The following SEMA3C variants were observed in gnomAD, a reference collection of about 807,000 sequenced individuals.
SEMA3C encodes the protein semaphorin-3C.
SEMA3C carries 47 observed loss-of-function variants against 89.4 expected under a neutral mutation model. The observed-to-expected ratio is 0.53, with a 90% CI of 0.42 to 0.67. The LOEUF (loss-of-function observed/expected upper bound fraction) is 0.67, where lower values mean the gene tolerates loss of function less well. Ranked by LOEUF, SEMA3C falls within the 30% of genes least tolerant of loss-of-function variation. The pLI is 0.00. For missense variants in SEMA3C, 839 were observed against 929.1 expected, an observed-to-expected ratio of 0.90 and a Z score of 1.26; for synonymous variants, 310 against 320.2, an observed-to-expected ratio of 0.97 and a Z score of 0.34.
chr7:80,907,663 T>C (rs544411330), intron 2 of SEMA3C, among the ~76,000 whole-genome samples: 22 of 152,222 alleles, frequency 1.4e-4, no homozygotes, highest in Non-Finnish European at 2.2e-4. Context: ...GCATCATTAG[T>C]ATGTAATAAT....
chr7:80,828,830 T>C (rs1438936210), intron 2 of SEMA3C, 85 bp from the exon 3 acceptor site: 3 of 1,059,682 alleles, frequency 2.8e-6, no homozygotes, highest in East Asian at 5.3e-5. Context: ...ATGCAAATAT[T>C]CCAAAAAATG....
chr7:80,800,067 G>A (rs955068295), intron 10 of SEMA3C, among the ~76,000 whole-genome samples: 6 of 146,974 alleles, frequency 4.1e-5, no homozygotes, highest in African/African-American at 7.6e-5. Flanking sequence ...GCAGGAGAAC[G>A]GCATGAACCC....
intron 17 of SEMA3C, among the ~76,000 whole-genome samples, chr7:80,746,300 AT>A (rs2117022019): frequency 6.6e-6 from 1 of 152,284 alleles, no homozygotes; most frequent in African/African-American, 2.4e-5. Context: ...CAAGTATAGT[AT>A]TAAAAGATAA....
At chr7:80,771,786 C>A (rs1788440492) in intron 12 of SEMA3C, among the ~76,000 whole-genome samples, 1 of 152,222 alleles carries the variant, frequency 6.6e-6, no homozygotes, top group Non-Finnish European at 1.5e-5. Context: ...GAGATCTGGC[C>A]AGTCCCTTCC....
At chr7:80,840,771 T>C (rs542301225) in intron 2 of SEMA3C, among the ~76,000 whole-genome samples, 1 of 152,180 alleles carries the variant, frequency 6.6e-6, no homozygotes, top group South Asian at 2.1e-4. Flanking sequence ...TGTTTCTCCA[T>C]TCAATAAATA....
chr7:80,835,583 T>C (rs751502838), intron 2 of SEMA3C, among the ~76,000 whole-genome samples: 2 of 152,024 alleles, frequency 1.3e-5, no homozygotes, highest in Non-Finnish European at 2.9e-5. Flanking sequence ...ATTTCACCTG[T>C]CTGTTTAGAA....
At chr7:80,863,720 GATATATATATCAC>G in intron 2 of SEMA3C, among the ~76,000 whole-genome samples, 1 of 145,284 alleles carries the variant, frequency 6.9e-6, no homozygotes, top group Non-Finnish European at 1.5e-5. Flanking sequence ...ATATATCACA[GATATATATATCAC>G]ATATATAGTA....
intron 2 of SEMA3C, chr7:80,905,867 C>A (rs1467785232): frequency 7.8e-7 from 1 of 1,289,704 alleles, no homozygotes; most frequent in Non-Finnish European, 1.0e-6. Context: ...TCACGCCACA[C>A]TTCTTTTTGT....
intron 7 of SEMA3C, among the ~76,000 whole-genome samples, chr7:80,804,920 C>T (rs1164299305): frequency 6.6e-6 from 1 of 152,040 alleles, no homozygotes; most frequent in African/African-American, 2.4e-5. Flanking sequence ...CATTTAGGGT[C>T]AGCTAAAAAT....
chr7:80,833,856 G>T (rs772451708), intron 2 of SEMA3C, among the ~76,000 whole-genome samples: 5 of 151,854 alleles, frequency 3.3e-5, no homozygotes, highest in African/African-American at 4.8e-5. Flanking sequence ...CTATCATTTG[G>T]TTTCACATAG....
At chr7:80,850,725 G>T (rs569519865) in intron 2 of SEMA3C, among the ~76,000 whole-genome samples, 1 of 152,248 alleles carries the variant, frequency 6.6e-6, no homozygotes, top group African/African-American at 2.4e-5. Context: ...ACATACTGAA[G>T]ATTTTTGTAC....
rs1583832947 is a variant in SEMA3C, at chr7:80,743,214, G to A, written c.*1680C>T. The A allele has an allele frequency of 1.3e-5, 2 of 151,916 alleles. No individual in the cohort carries two copies. Among genetic ancestry groups the A allele is most frequent in the Non-Finnish European group, 3.0e-5 (2 of 67,772 alleles). 9.4% of individuals were successfully genotyped at this position (151,916 alleles called of 1,614,324 possible). On this transcript the variant is annotated 3_prime_UTR_variant, in exon 18 of 18. Transcript: ENST00000265361. ...AAAATTATACACATTTGGAACAACA[G>A]ATTTTTTAAAAAATGAAGTTTGGTG...
chr7:80,800,880 T>C, intron 9 of SEMA3C, 54 bp from the exon 10 acceptor site: 7 of 1,199,228 alleles, frequency 5.8e-6, no homozygotes, highest in African/African-American at 1.6e-5. Flanking sequence ...TTCTTTGTTT[T>C]GAAAAATTTA....
intron 2 of SEMA3C, among the ~76,000 whole-genome samples, chr7:80,898,614 C>T (rs1322617163): frequency 6.6e-6 from 1 of 152,096 alleles, no homozygotes; most frequent in Non-Finnish European, 1.5e-5. Context: ...CTGCAGCTCA[C>T]AGGACATGGG....
intron 2 of SEMA3C, among the ~76,000 whole-genome samples, chr7:80,829,157 A>C (rs1233281969): frequency 6.6e-6 from 1 of 152,088 alleles, no homozygotes; most frequent in Non-Finnish European, 1.5e-5. Context: ...ACAGAACGAG[A>C]CACTGCCTCA....
chr7:80,915,174 G>T (rs1792239555), intron 2 of SEMA3C, among the ~76,000 whole-genome samples: 1 of 152,178 alleles, frequency 6.6e-6, no homozygotes, highest in South Asian at 2.1e-4. Context: ...GTATTTCATA[G>T]TTCTAACTTG....
At chr7:80,770,730 C>A (rs550786234) in intron 12 of SEMA3C, among the ~76,000 whole-genome samples, 1 of 152,290 alleles carries the variant, frequency 6.6e-6, no homozygotes, top group African/African-American at 2.4e-5. Flanking sequence ...GTAAGCCTGG[C>A]CAATAAGAGC....
chr7:80,830,976 G>A (rs973454305), intron 2 of SEMA3C, among the ~76,000 whole-genome samples: 1 of 152,194 alleles, frequency 6.6e-6, no homozygotes, highest in African/African-American at 2.4e-5. Context: ...TCAAAGGTTG[G>A]AGAGGACACA....
At chr7:80,847,827 C>T (rs79817584) in intron 2 of SEMA3C, among the ~76,000 whole-genome samples, 2 of 152,172 alleles carry the variant, frequency 1.3e-5, no homozygotes, top group African/African-American at 2.4e-5. Context: ...CTTGTTCATA[C>T]AATCAGCTTT....
Sources: allele counts gnomAD v4.1 joint callset (sites outside exome capture counted in the v4.1 genomes callset), GRCh38; gene constraint gnomAD v4.1.1; transcripts MANE v1.5; gene names NCBI Gene and HGNC (gene_info 2026-07-23, HGNC 2026-07-21).